The following ROBO2 variants were observed in gnomAD, a reference collection of about 807,000 sequenced individuals.
ROBO2 encodes roundabout guidance receptor 2, also known as roundabout homolog 2.
In ROBO2, 53 loss-of-function variants were observed where a neutral mutation model predicts 160.8. That is an observed-to-expected ratio of 0.33 (90% CI 0.26 to 0.41). ROBO2 has a LOEUF of 0.41. Among genes scored for constraint, ROBO2 ranks in the 10% least tolerant of loss-of-function variants. The pLI, the probability that ROBO2 is intolerant of heterozygous loss-of-function variation, is 1.00. For synonymous variants in ROBO2, 664 were observed against 611.7 expected (o/e 1.09, Z -1.26); for missense variants, 1,577 against 1,722.4 (o/e 0.92, Z 1.49).
chr3:76,853,149 G>T (rs2069597707), intron 2 of ROBO2, among the ~76,000 whole-genome samples: 1 of 151,756 alleles, frequency 6.6e-6, no homozygotes, highest in African/African-American at 2.4e-5. Flanking sequence ...TTTAACTCTT[G>T]GAATATAATA....
chr3:76,180,795 T>C (rs1299097279), intron 2 of ROBO2, among the ~76,000 whole-genome samples: 5 of 152,156 alleles, frequency 3.3e-5, no homozygotes, highest in African/African-American at 1.2e-4. Context: ...TTCAAAACTT[T>C]CAGTGGTTTT....
chr3:77,505,418 T>G (rs2088341533), intron 5 of ROBO2, among the ~76,000 whole-genome samples: 1 of 152,100 alleles, frequency 6.6e-6, no homozygotes, highest in Non-Finnish European at 1.5e-5. Context: ...ATTTGTAACT[T>G]GGGTGCCTGG....
chr3:77,456,950 T>G, intron 2 of ROBO2, among the ~76,000 whole-genome samples: 1 of 152,174 alleles, frequency 6.6e-6, no homozygotes. Flanking sequence ...CATTTACACA[T>G]CTTCTTTCTG....
At chr3:76,909,083 G>C (rs1199804534) in intron 2 of ROBO2, among the ~76,000 whole-genome samples, 3 of 152,076 alleles carry the variant, frequency 2.0e-5, no homozygotes, top group African/African-American at 7.2e-5. Context: ...AATTAGCTGG[G>C]CTTAGTGGCG....
chr3:77,622,704 A>G (rs919820801), intron 23 of ROBO2, among the ~76,000 whole-genome samples: 13 of 152,210 alleles, frequency 8.5e-5, no homozygotes, highest in Non-Finnish European at 1.5e-4. Flanking sequence ...AGTTCACTCT[A>G]CTAGGAAACC....
intron 2 of ROBO2, among the ~76,000 whole-genome samples, chr3:77,005,205 C>T (rs1402536622): frequency 6.6e-6 from 1 of 152,140 alleles, no homozygotes; most frequent in Non-Finnish European, 1.5e-5. Context: ...ACTCTATGGC[C>T]GCCGCCTTGC....
Position 77,099,460 on chromosome 3 carries a change from C to T in ROBO2, c.388+1120C>T, listed in dbSNP as rs1032763560. 1.5e-4 allele frequency among the ~76,000 whole-genome samples: 23 copies of T among 152,144 alleles called. No individual in the cohort carries two copies. The East Asian group carries it at 4.5e-3, about 29-fold the overall frequency. On this transcript the variant is annotated intron_variant, in intron 2 of 25. Transcript: ENST00000461745. Reference sequence around the variant, plus strand: ...GAAAAGACTAGGAGAATCCTAAGACCCATATTTTTTATTTTTTGTGAAGTG... The same window carrying T: ...GAAAAGACTAGGAGAATCCTAAGACTCATATTTTTTATTTTTTGTGAAGTG...
intron 2 of ROBO2, among the ~76,000 whole-genome samples, chr3:77,449,367 A>G (rs1201793817): frequency 6.6e-6 from 1 of 152,080 alleles, no homozygotes; most frequent in Non-Finnish European, 1.5e-5. Context: ...GGGTAAGTGA[A>G]TTTTAGGTTG....
intron 2 of ROBO2, among the ~76,000 whole-genome samples, chr3:76,908,884 T>G (rs767083450): frequency 3.3e-5 from 5 of 152,208 alleles, no homozygotes; most frequent in Non-Finnish European, 5.9e-5. Context: ...AATTGAATCA[T>G]TCCTTCAGTC....
At chr3:76,323,009 T>C (rs574880573) in intron 2 of ROBO2, among the ~76,000 whole-genome samples, 76 of 152,342 alleles carry the variant, frequency 5.0e-4, no homozygotes, top group African/African-American at 1.7e-3. Context: ...TCTCACATTC[T>C]CACAGTGCTA....
intron 2 of ROBO2, among the ~76,000 whole-genome samples, chr3:76,492,807 A>C (rs1292107439): frequency 7.2e-5 from 11 of 152,176 alleles, no homozygotes. Context: ...CAAACACAGC[A>C]GAAAGAACAC....
At chr3:75,921,788 C>T (rs1947068543) in intron 1 of ROBO2, among the ~76,000 whole-genome samples, 1 of 152,124 alleles carries the variant, frequency 6.6e-6, no homozygotes, top group South Asian at 2.1e-4. Context: ...AAACATGTTT[C>T]TAAGCATCTA....
At chr3:77,477,201 C>G (rs941913846) in intron 2 of ROBO2, among the ~76,000 whole-genome samples, 2 of 151,896 alleles carry the variant, frequency 1.3e-5, no homozygotes, top group South Asian at 4.2e-4. Context: ...AATTTTTGAC[C>G]AAAGGTGCAT....
intron 2 of ROBO2, among the ~76,000 whole-genome samples, chr3:76,955,405 T>C (rs776070738): frequency 2.6e-5 from 4 of 152,196 alleles, no homozygotes; most frequent in Non-Finnish European, 5.9e-5. Context: ...CATATAATAA[T>C]TCTATGTTGA....
chr3:76,118,143 T>TA lies in ROBO2; in HGVS notation c.109+180545dup, dbSNP rs527269319. ...ATGTACCCTAGAACTTAAAGTATAA[T>TA]AAAACAAAGACACCAATTTGAAAAG... On this transcript the variant is annotated intron_variant, in intron 2 of 26. Transcript: ENST00000487694. Among the ~76,000 whole-genome samples the TA allele has an allele frequency of 6.0e-3, 910 of 151,994 alleles. 13 individuals are homozygous for TA. Among genetic ancestry groups the TA allele is most frequent in the African/African-American group, 0.021 (882 of 41,438 alleles).
intron 2 of ROBO2, among the ~76,000 whole-genome samples, chr3:77,208,955 A>G (rs185902764): frequency 3.9e-5 from 6 of 152,284 alleles, no homozygotes; most frequent in Admixed American, 2.0e-4. Context: ...TATGTTTCAT[A>G]TATTTTTGAG....
chr3:77,280,605 A>G (rs1162305404), intron 2 of ROBO2, among the ~76,000 whole-genome samples: 1 of 152,178 alleles, frequency 6.6e-6, no homozygotes, highest in Non-Finnish European at 1.5e-5. Context: ...TTTCCACACT[A>G]GTTTGTCCAT....
chr3:76,858,289 TG>T (rs2148594736), intron 2 of ROBO2, among the ~76,000 whole-genome samples: 1 of 152,328 alleles, frequency 6.6e-6, no homozygotes, highest in African/African-American at 2.4e-5. Flanking sequence ...TTGTTTTTTT[TG>T]GAGGCAGAGC....
chr3:76,047,448 GACATTAATAGATGTT>G (rs1294288063), intron 2 of ROBO2, among the ~76,000 whole-genome samples: 1 of 152,172 alleles, frequency 6.6e-6, no homozygotes, highest in Non-Finnish European at 1.5e-5. Flanking sequence ...ACATGTGTGT[GACATTAATAGATGTT>G]AGTGATACAG....
Sources: allele counts gnomAD v4.1 joint callset (sites outside exome capture counted in the v4.1 genomes callset), GRCh38; gene constraint gnomAD v4.1.1; transcripts MANE v1.5; gene names NCBI Gene and HGNC (gene_info 2026-07-23, HGNC 2026-07-21).